The following COL5A1 variants were observed in gnomAD, a reference collection of about 807,000 sequenced individuals.
COL5A1 encodes the protein collagen type V alpha 1 chain.
Under a neutral mutation model 263.7 loss-of-function variants are expected in COL5A1, and 16 were observed. That is an observed-to-expected ratio of 0.06 (90% CI 0.04 to 0.09). The LOEUF is 0.09. Ranked by LOEUF, COL5A1 falls within the 10% of genes least tolerant of loss-of-function variation. The pLI, the probability that COL5A1 is intolerant of heterozygous loss-of-function variation, is 1.00. For missense variants in COL5A1, 2,036 were observed against 2,540.5 expected (o/e 0.80, Z 4.27); for synonymous variants, 1,012 against 1,004.5 (o/e 1.01, Z -0.14).
intron 4 of COL5A1, among the ~76,000 whole-genome samples, chr9:134,710,718 A>AGG (rs1834006698): frequency 3.7e-5 from 1 of 27,322 alleles, no homozygotes; most frequent in African/African-American, 1.6e-4. Context: ...GTGGTGGGGG[A>AGG]GGAGCCCTAT....
At chr9:134,825,938 G>T in intron 63 of COL5A1, 34 bp downstream of exon 63, 3 of 1,452,640 alleles carry the variant, frequency 2.1e-6, no homozygotes, top group Non-Finnish European at 2.9e-6. Context: ...GCCCCAGCGG[G>T]GCAGGCGTCA....
At chr9:134,747,028 A>G (rs1835540965) in intron 11 of COL5A1, among the ~76,000 whole-genome samples, 1 of 152,198 alleles carries the variant, frequency 6.6e-6, no homozygotes, top group African/African-American at 2.4e-5. Context: ...AGGGCTTGGC[A>G]AAGGCTTGCT....
At chr9:134,706,518 A>T (rs1588455537) in intron 4 of COL5A1, among the ~76,000 whole-genome samples, 1 of 152,076 alleles carries the variant, frequency 6.6e-6, no homozygotes, top group East Asian at 1.9e-4. Context: ...GCCAGGGCCC[A>T]CCCCCACTGT....
rs533929992 is a variant in COL5A1, at chr9:134,825,877, C to T, written c.5040C>T (p.Cys1680=). The change falls in exon 63 of 66, where the codon TGC becomes TGT. Residue 1680 remains cysteine (C), a synonymous_variant. Transcript: ENST00000371817. ...ACTTCACAGCCGGGGGGTCGACATG[C>T]GTCTTCCCTGACAAGAAGTCCGAAG... ...YCNFTAGGST[C]VFPDKKSEGA... The T allele has an allele frequency of 3.3e-5, 53 of 1,612,552 alleles. No individual in the cohort carries two copies. In the South Asian group the frequency reaches 5.1e-4, roughly 15 times the overall value.
At chr9:134,767,088 C>G (rs1481338108) in intron 23 of COL5A1, 35 bp downstream of exon 23, 1 of 1,608,296 alleles carries the variant, frequency 6.2e-7, no homozygotes, top group South Asian at 1.1e-5. Flanking sequence ...TCGCAGGGAT[C>G]CGGCCGTGGG....
Position 134,820,228 on chromosome 9 carries a change from G to T in COL5A1, c.4554+5G>T. The T allele has an allele frequency of 6.2e-7, 1 of 1,609,312 alleles. No individual in the cohort carries two copies. The highest frequency in any genetic ancestry group is 8.5e-7 in the Non-Finnish European group (1 of 1,175,998). On this transcript the variant is annotated splice_donor_5th_base_variant and intron_variant, in intron 58 of 65. Transcript: ENST00000371817. The stretch of plus-strand genomic sequence containing the variant: ...TCCGGTCCTAAGGGAGAACAGGTGC[G>T]TGAGATGGCACTTCTTGCATGTGGG...
Position 134,642,181 on chromosome 9 carries a change from C to A in COL5A1, c.-7C>A. The A allele has an allele frequency of 7.9e-7, 1 of 1,261,420 alleles. No individual in the cohort carries two copies. The highest frequency in any genetic ancestry group is 3.2e-5 in the South Asian group (1 of 31,640). The allele number at this position is 1,261,420 out of a possible 1,614,324, so 78.1% of individuals were successfully genotyped here. A position where few individuals can be genotyped will look rare whatever the true frequency, so the allele number is the denominator to read the frequency against. Reference sequence around the variant, plus strand: ...CCCCTGTGCGCCCCGGCCCGCGCCCCGCCGGCATGGACGTCCATACCCGCT... The same window carrying A: ...CCCCTGTGCGCCCCGGCCCGCGCCCAGCCGGCATGGACGTCCATACCCGCT... On this transcript the variant is annotated 5_prime_UTR_variant, in exon 1 of 66. Coordinates refer to ENST00000371817, the MANE Select transcript of COL5A1 (RefSeq NM_000093.5). The surrounding 1 kb of genome is among the most constrained non-coding windows in gnomAD (Gnocchi z 4.5).
chr9:134,764,491 C>T (rs1588522792), intron 20 of COL5A1, among the ~76,000 whole-genome samples: 1 of 152,028 alleles, frequency 6.6e-6, no homozygotes, highest in Admixed American at 6.5e-5. Context: ...CAGATTCCTC[C>T]AGCAGACTCT....
Position 134,718,962 on chromosome 9 carries a change from G to T in COL5A1, c.655-8304G>T, listed in dbSNP as rs2132616076. ...TGAGGTAGGGCTGGGAATTGGGTCA[G>T]TGTGAAACACCAGGGTCTTTCCCGA... On this transcript the variant is annotated intron_variant, in intron 4 of 65. Coordinates refer to ENST00000371817, the MANE Select transcript of COL5A1 (RefSeq NM_000093.5). 1.3e-5 allele frequency among the ~76,000 whole-genome samples: 2 copies of T among 152,346 alleles called. 1 individual carries two copies. The highest frequency in any genetic ancestry group is 4.1e-4 in the South Asian group (2 of 4,834).
chr9:134,768,534 C>T (rs902516291), intron 25 of COL5A1, 71 bp downstream of exon 25: 7 of 1,472,256 alleles, frequency 4.8e-6, no homozygotes, highest in Non-Finnish European at 6.6e-6. Context: ...GCTGCAGGCC[C>T]AGGCTCTTTG....
At chr9:134,760,735 ACCACACATGCACACACACC>A (rs1836373163) in intron 18 of COL5A1, among the ~76,000 whole-genome samples, 1 of 129,368 alleles carries the variant, frequency 7.7e-6, no homozygotes, top group Non-Finnish European at 1.6e-5. Flanking sequence ...ATGCACACAC[ACCACACATGCACACACACC>A]CCACACATAC....
At position 134,824,806 on chromosome 9, in the gene COL5A1, C is replaced by T. The variant is rs760426595; in HGVS notation, c.4905C>T (p.Pro1635=). The change falls in exon 62 of 66, where the codon CCC becomes CCT. Residue 1635 remains proline (P), a synonymous_variant. Transcript: ENST00000371817. ...MKRPLGTQQN[P]ARTCKDLQLC... ...GGCCCCTGGGCACGCAGCAGAACCC[C>T]GCCCGCACCTGCAAGGACCTGCAGC... 2.2e-5 allele frequency: 35 copies of T among 1,613,866 alleles called. No individual in the cohort carries two copies. The highest frequency in any genetic ancestry group is 3.3e-5 in the Admixed American group (2 of 60,010).
At chr9:134,820,058 G>A in intron 57 of COL5A1, 58 bp from the exon 58 acceptor site, 2 of 1,313,562 alleles carry the variant, frequency 1.5e-6, no homozygotes, top group Non-Finnish European at 2.2e-6. Context: ...GGCCCACCGT[G>A]GCCGAGCATG....
rs1418271424 is a variant in COL5A1, at chr9:134,652,664, A to C, written c.109+10368A>C. The stretch of plus-strand genomic sequence containing the variant: ...ACTGACCCAGCCCGGAGGCTGCAGG[A>C]ATCGTGGGATAGAGGAAGCAAAGGT... On this transcript the variant is annotated intron_variant, in intron 1 of 65. Coordinates refer to ENST00000371817, the MANE Select transcript of COL5A1 (RefSeq NM_000093.5). The surrounding 1 kb of genome is among the most constrained non-coding windows in gnomAD (Gnocchi z 4.4). 1 of 470,764 alleles carries C rather than the reference A, an allele frequency of 2.1e-6. No homozygotes were observed. Among genetic ancestry groups the C allele is most frequent in the South Asian group, 1.5e-5 (1 of 64,552 alleles). The allele number at this position is 470,764 out of a possible 1,614,324, so 29.2% of individuals were successfully genotyped here. A position where few individuals can be genotyped will look rare whatever the true frequency, so the allele number is the denominator to read the frequency against.
intron 31 of COL5A1, among the ~76,000 whole-genome samples, chr9:134,787,863 C>T (rs932266757): frequency 6.6e-6 from 1 of 152,286 alleles, no homozygotes; most frequent in Middle Eastern, 3.4e-3. Flanking sequence ...TGGATATGGG[C>T]GCGTGGGGGA....
In COL5A1 at chr9:134,822,054, C is replaced by A. The variant is rs573235702; in HGVS notation, c.4555-43C>A. ...GCAGGGTTGCAGCCCCGCAGCTCCT[C>A]CTCGTCTGAAGGTGATAACCTGCAT... On this transcript the variant is annotated intron_variant, in intron 58 of 65. Coordinates refer to ENST00000371817, the MANE Select transcript of COL5A1 (RefSeq NM_000093.5). The A allele has an allele frequency of 7.6e-6, 12 of 1,587,780 alleles. No individual in the cohort carries two copies. In the East Asian group the frequency reaches 2.7e-4, roughly 35 times the overall value.
Position 134,824,620 on chromosome 9 carries a change from C to T in COL5A1, c.4719C>T (p.Ile1573=), listed in dbSNP as rs966533667. The T allele has an allele frequency of 3.2e-5, 51 of 1,614,040 alleles. No individual in the cohort carries two copies. The highest frequency in any genetic ancestry group is 4.1e-5 in the Non-Finnish European group (48 of 1,180,038). ...PGPPGPPGEV[I]QPLPIQASRT... is the part of the protein sequence containing the mutation. ...CCCAGGGCCCCCCGGGAGAGGTCAT[C>T]CAGCCCCTGCCAATCCAGGCATCCA... Residue 1573 remains isoleucine, a synonymous_variant, in exon 62 of 66, where the codon ATC becomes ATT. Transcript: ENST00000371817.
chr9:134,667,051 C>T (rs60431532), intron 1 of COL5A1, among the ~76,000 whole-genome samples: 4,929 of 152,228 alleles, frequency 0.032, 160 homozygotes, highest in African/African-American at 0.08. Flanking sequence ...TTTCAGTCAT[C>T]GGGCATAATG....
intron 4 of COL5A1, among the ~76,000 whole-genome samples, chr9:134,714,236 C>T (rs1834165629): frequency 6.6e-6 from 1 of 151,878 alleles, no homozygotes; most frequent in Non-Finnish European, 1.5e-5. Context: ...GAGCCTTTCT[C>T]AGGGATCCAG....
Sources: gnomAD v4.1 joint callset for allele counts (sites outside exome capture counted in the v4.1 genomes callset) on GRCh38, gnomAD v4.1.1 for gene constraint, Gnocchi (gnomAD v3.1) non-coding constraint, MANE v1.5 for transcripts, NCBI Gene and HGNC (gene_info 2026-07-23, HGNC 2026-07-21) for gene names.